The following PCDHGA1 variants were observed in gnomAD, a reference collection of about 807,000 sequenced individuals.
PCDHGA1 encodes protocadherin gamma-A1.
Under a neutral mutation model 58.0 loss-of-function variants are expected in PCDHGA1, and 32 were observed. The observed-to-expected ratio is 0.55, with a 90% confidence interval of 0.42 to 0.74. The LOEUF (loss-of-function observed/expected upper bound fraction) is 0.74. PCDHGA1 is among the 30% of genes least tolerant of loss of function. The pLI, the probability that PCDHGA1 is intolerant of heterozygous loss-of-function variation, is 0.00. For synonymous variants in PCDHGA1, 498 were observed against 501.1 expected (o/e 0.99, Z 0.08); for missense variants, 1,205 against 1,182.3 (o/e 1.02, Z -0.28).
intron 1 of PCDHGA1, chr5:141,338,863 A>G (rs1756784292): frequency 7.0e-7 from 1 of 1,437,040 alleles, no homozygotes. Context: ...TTCTCTCCAT[A>G]GGGACCTGGG....
At chr5:141,346,182 C>T (rs763074120) in intron 1 of PCDHGA1, 6 of 1,613,908 alleles carry the variant, frequency 3.7e-6, no homozygotes, top group Non-Finnish European at 5.1e-6. Context: ...GCTCAGGCTG[C>T]GGCGCTGGCA....
chr5:141,417,875 G>A, intron 1 of PCDHGA1: 1 of 1,556,360 alleles, frequency 6.4e-7, no homozygotes, highest in South Asian at 1.2e-5. Flanking sequence ...AGGGAGCTGC[G>A]CGCAGAGGCG....
intron 1 of PCDHGA1, chr5:141,365,395 G>A (rs753717509): frequency 6.2e-7 from 1 of 1,613,860 alleles, no homozygotes; most frequent in Non-Finnish European, 8.5e-7. Flanking sequence ...TGACCAGTTC[G>A]ATCTCTGAAG....
intron 1 of PCDHGA1, chr5:141,419,425 C>A (rs3749766): frequency 2.5e-6 from 4 of 1,613,316 alleles, no homozygotes; most frequent in Non-Finnish European, 3.4e-6. Context: ...CCTTCGACCA[C>A]GAGCAGCTGC....
Position 141,409,860 on chromosome 5 carries a change from G to A in PCDHGA1, c.2421+76755G>A, listed in dbSNP as rs764823576. On this transcript the variant is annotated intron_variant, in intron 1 of 3. Transcript: ENST00000517417. ...AACGTGAGCCTGCGCGTGTTGGTGG[G>A]AGACCGCAATGACAACGCACCGCGG... is the stretch of plus-strand genomic sequence containing the variant. The A allele has an allele frequency of 1.2e-5, 20 of 1,612,364 alleles. No homozygotes were observed. In the South Asian group the frequency reaches 1.8e-4, roughly 14 times the overall value.
At position 141,330,717 on chromosome 5, in the gene PCDHGA1, C is replaced by T; in HGVS notation, c.33C>T (p.Ser11=). Residue 11 remains serine, a synonymous_variant, in exon 1 of 4, where the codon AGC becomes AGT. Coordinates refer to ENST00000517417, the MANE Select transcript of PCDHGA1 (RefSeq NM_018912.3). ...TTCAGAAAAAGCTGACTGGCTGCAG[C>T]AGGCTGATGCTTCTGTGTCTTTCTC... MKIQKKLTGC[S]RLMLLCLSLE... The T allele has an allele frequency of 1.2e-6, 2 of 1,610,622 alleles. No individual in the cohort carries two copies. The highest frequency in any genetic ancestry group is 1.1e-5 in the South Asian group (1 of 90,912).
In PCDHGA1 at chr5:141,491,958, A is replaced by C; in HGVS notation, c.2422-2849A>C. The C allele has an allele frequency of 2.0e-6, 2 of 999,758 alleles. No homozygotes were observed. Among genetic ancestry groups the C allele is most frequent in the Non-Finnish European group, 2.8e-6 (2 of 718,534 alleles). The allele number at this position is 999,758 out of a possible 1,614,324, so 61.9% of individuals were successfully genotyped here. The stretch of plus-strand genomic sequence containing the variant: ...ACCGACCCCCACCCCTACACTCAAA[A>C]AAGGCCGGGGCCTCCTTCGAGCTTC... On this transcript the variant is annotated intron_variant, in intron 1 of 3. Coordinates refer to ENST00000517417, the MANE Select transcript of PCDHGA1 (RefSeq NM_018912.3). The surrounding 1 kb of genome is among the most constrained non-coding windows in gnomAD (Gnocchi z 6.9).
At chr5:141,360,128 G>A (rs1761430982) in intron 1 of PCDHGA1, 1 of 1,586,806 alleles carries the variant, frequency 6.3e-7, no homozygotes. Context: ...AGCAAAGGGA[G>A]CCAGAAGATG....
In PCDHGA1 at chr5:141,339,716, A is replaced by G. The variant is rs150706052; in HGVS notation, c.2421+6611A>G. ...TGTTTTTACACAGCCCGAGTACCGCATAAGCATTCCGGAGAATACGCTCGT... is the reference window on the plus strand; with the variant it reads ...TGTTTTTACACAGCCCGAGTACCGCGTAAGCATTCCGGAGAATACGCTCGT... On this transcript the variant is annotated intron_variant, in intron 1 of 3. Coordinates refer to ENST00000517417, the MANE Select transcript of PCDHGA1 (RefSeq NM_018912.3). The G allele has an allele frequency of 2.5e-6, 4 of 1,614,066 alleles. No homozygotes were observed. In the African/African-American group the frequency reaches 4.0e-5, roughly 16 times the overall value.
intron 1 of PCDHGA1, chr5:141,393,547 C>T (rs761723933): frequency 4.3e-6 from 7 of 1,613,938 alleles, no homozygotes; most frequent in South Asian, 1.1e-5. Flanking sequence ...TTTCCTCACC[C>T]GATTTACCGA....
At chr5:141,501,718 A>G (rs914077060) in intron 2 of PCDHGA1, among the ~76,000 whole-genome samples, 1 of 152,152 alleles carries the variant, frequency 6.6e-6, no homozygotes, top group Non-Finnish European at 1.5e-5. Flanking sequence ...AAAAAGACAA[A>G]TATATTACCC....
At chr5:141,474,345 G>A (rs541613646) in intron 1 of PCDHGA1, among the ~76,000 whole-genome samples, 7 of 152,124 alleles carry the variant, frequency 4.6e-5, no homozygotes, top group African/African-American at 7.2e-5. Flanking sequence ...TTGTTAAAAT[G>A]TAAGTCATGT....
intron 1 of PCDHGA1, chr5:141,414,399 GGTGATAC>G (rs1297009673): frequency 6.2e-7 from 1 of 1,613,846 alleles, no homozygotes; most frequent in South Asian, 1.1e-5. Flanking sequence ...ATTACAGATT[GGTGATAC>G]ACAGAGCCCT....
At position 141,477,751 on chromosome 5, in the gene PCDHGA1, G is replaced by T; in HGVS notation, c.2422-17056G>T. 1.2e-6 allele frequency: 2 copies of T among 1,613,830 alleles called. No homozygotes were observed. Among genetic ancestry groups the T allele is most frequent in the Non-Finnish European group, 1.7e-6 (2 of 1,180,022 alleles). On this transcript the variant is annotated intron_variant, in intron 1 of 3. Coordinates refer to ENST00000517417, the MANE Select transcript of PCDHGA1 (RefSeq NM_018912.3). This position sits in a 1 kb window ranked among gnomAD's most constrained non-coding sequence, Gnocchi z 4.9. ...CTCATATCAGCGATGGGGGCACCCC[G>T]GTCCTAGCCACCAACATCAGCGTGA...
rs759809060 is a variant in PCDHGA1, at chr5:141,476,317, G to A, written c.2422-18490G>A. 1.2e-6 allele frequency: 2 copies of A among 1,614,170 alleles called. No individual in the cohort carries two copies. Among genetic ancestry groups the A allele is most frequent in the South Asian group, 2.2e-5 (2 of 91,078 alleles). On this transcript the variant is annotated intron_variant, in intron 1 of 3. Coordinates refer to ENST00000517417, the MANE Select transcript of PCDHGA1 (RefSeq NM_018912.3). This position sits in a 1 kb window ranked among gnomAD's most constrained non-coding sequence, Gnocchi z 7.6. Reference sequence around the variant, plus strand: ...GTAGCCTCTCAGCCCGCAGGTTCCGGGTGGTGTCTGGAGCTAGCCGAAGAT... The same window carrying A: ...GTAGCCTCTCAGCCCGCAGGTTCCGAGTGGTGTCTGGAGCTAGCCGAAGAT...
chr5:141,345,941 C>G (rs772670164), intron 1 of PCDHGA1: 6 of 1,613,582 alleles, frequency 3.7e-6, no homozygotes, highest in Non-Finnish European at 5.1e-6. Flanking sequence ...TGGACAGAGA[C>G]GCGCTCAAGC....
chr5:141,409,883 C>CGGGTGCTGTACCCAGCTCT, intron 1 of PCDHGA1: 1 of 1,612,988 alleles, frequency 6.2e-7, no homozygotes, highest in Non-Finnish European at 8.5e-7. Context: ...CAACGCACCG[C>CGGGTGCTGTACCCAGCTCT]GGGTGCTGTA....
chr5:141,400,700 AAAG>A (rs1199384329), intron 1 of PCDHGA1: 5 of 728,844 alleles, frequency 6.9e-6, no homozygotes, highest in Non-Finnish European at 1.1e-5. Flanking sequence ...ATGTCGCATA[AAAG>A]AAGTAGCCTT....
chr5:141,393,962 C>G (rs2150548263), intron 1 of PCDHGA1: 1 of 1,613,894 alleles, frequency 6.2e-7, no homozygotes, highest in Non-Finnish European at 8.5e-7. Flanking sequence ...GTCAAGTTGT[C>G]TGTTACACAC....
Sources: allele counts gnomAD v4.1 joint callset (sites outside exome capture counted in the v4.1 genomes callset), GRCh38; gene constraint gnomAD v4.1.1; non-coding constraint Gnocchi (gnomAD v3.1); transcripts MANE v1.5; gene names NCBI Gene and HGNC (gene_info 2026-07-23, HGNC 2026-07-21).